Variants in WWOX observed in about 807,000 individuals in gnomAD.
WWOX encodes WW domain-containing oxidoreductase.
In WWOX, 69 loss-of-function variants were observed where a neutral mutation model predicts 46.2. The ratio of observed to expected loss-of-function variants is 1.49; its 90% confidence interval spans 1.23 to 1.82. The LOEUF (loss-of-function observed/expected upper bound fraction) is 1.82, where lower values mean the gene tolerates loss of function less well. Among genes scored for constraint, WWOX ranks in the 40% most tolerant of loss-of-function variants. WWOX has a pLI of 0.00. For synonymous variants in WWOX, 359 were observed against 202.6 expected (o/e 1.77, Z -6.56); for missense variants, 919 against 542.6 (o/e 1.69, Z -6.89).
At chr16:79,070,945 C>T (rs576390471) in intron 8 of WWOX, among the ~76,000 whole-genome samples, 1 of 152,290 alleles carries the variant, frequency 6.6e-6, no homozygotes, top group South Asian at 2.1e-4. Context: ...ACTTCCAGGG[C>T]AGGTGGTTTC....
At chr16:78,798,612 G>C (rs2050805915) in intron 8 of WWOX, among the ~76,000 whole-genome samples, 1 of 146,480 alleles carries the variant, frequency 6.8e-6, no homozygotes, top group Non-Finnish European at 1.5e-5. Context: ...TTTTTTAAGA[G>C]ATTTACAGTG....
chr16:78,502,639 G>A (rs547197365), intron 8 of WWOX, among the ~76,000 whole-genome samples: 2 of 152,230 alleles, frequency 1.3e-5, no homozygotes, highest in Non-Finnish European at 2.9e-5. Context: ...CATCTGTGTT[G>A]TCCACAAGTT....
At chr16:78,319,674 A>T (rs1319844382) in intron 5 of WWOX, among the ~76,000 whole-genome samples, 1 of 152,202 alleles carries the variant, frequency 6.6e-6, no homozygotes, top group Non-Finnish European at 1.5e-5. Context: ...ATGGAAAAAT[A>T]AACGTTCTAT....
At chr16:78,585,675 G>GTT (rs72477856) in intron 8 of WWOX, among the ~76,000 whole-genome samples, 34 of 141,924 alleles carry the variant, frequency 2.4e-4, no homozygotes, top group African/African-American at 7.8e-4. Flanking sequence ...TTTGTTTTGG[G>GTT]TTTTTTTTTT....
chr16:78,383,669 C>T (rs190426462), intron 5 of WWOX, among the ~76,000 whole-genome samples: 40 of 152,292 alleles, frequency 2.6e-4, no homozygotes, highest in African/African-American at 8.9e-4. Context: ...CACACATAAA[C>T]ACATATGCAC....
intron 8 of WWOX, among the ~76,000 whole-genome samples, chr16:78,632,841 A>G (rs575887727): frequency 2.0e-5 from 3 of 152,080 alleles, no homozygotes; most frequent in African/African-American, 7.2e-5. Flanking sequence ...TGCAGCTGTG[A>G]GCCACTGCGC....
At chr16:79,087,366 A>T (rs111747226) in intron 8 of WWOX, among the ~76,000 whole-genome samples, 188 of 152,352 alleles carry the variant, frequency 1.2e-3, no homozygotes, top group African/African-American at 4.1e-3. Flanking sequence ...GAAGAAAGCC[A>T]GTTACATATC....
chr16:78,835,053 T>A (rs1597695141), intron 8 of WWOX, among the ~76,000 whole-genome samples: 1 of 152,266 alleles, frequency 6.6e-6, no homozygotes, highest in East Asian at 1.9e-4. Context: ...TTGGAGGGCG[T>A]TAGTGTGCCC....
At chr16:78,712,397 G>T (rs372021364) in intron 8 of WWOX, among the ~76,000 whole-genome samples, 27 of 152,150 alleles carry the variant, frequency 1.8e-4, no homozygotes, top group African/African-American at 5.3e-4. Flanking sequence ...AGTTACTTGG[G>T]AGGCTGAGGC....
intron 8 of WWOX, among the ~76,000 whole-genome samples, chr16:78,954,498 C>T (rs925593489): frequency 6.6e-6 from 1 of 152,142 alleles, no homozygotes; most frequent in African/African-American, 2.4e-5. Flanking sequence ...CATTGATAGC[C>T]TAGTGGCTTG....
chr16:78,885,247 G>A (rs1256179442), intron 8 of WWOX, among the ~76,000 whole-genome samples: 5 of 145,208 alleles, frequency 3.4e-5, no homozygotes, highest in Non-Finnish European at 3.0e-5. Flanking sequence ...AAGGAACACT[G>A]AAAAAAAAAA....
At chr16:78,776,459 T>C (rs2050193004) in intron 8 of WWOX, among the ~76,000 whole-genome samples, 1 of 152,156 alleles carries the variant, frequency 6.6e-6, no homozygotes, top group African/African-American at 2.4e-5. Context: ...CCAGTGGTTA[T>C]TATGAGAATT....
chr16:78,309,517 C>T (rs1008614509), intron 5 of WWOX, among the ~76,000 whole-genome samples: 11 of 152,106 alleles, frequency 7.2e-5, no homozygotes, highest in Admixed American at 6.5e-5. Context: ...TGGACCAAAC[C>T]AATGTACTCC....
chr16:78,489,162 A>G (rs2084714726), intron 8 of WWOX, among the ~76,000 whole-genome samples: 1 of 152,184 alleles, frequency 6.6e-6, no homozygotes, highest in African/African-American at 2.4e-5. Context: ...GGAGTCATTA[A>G]TCTCCCTCAG....
At chr16:78,802,196 G>C (rs1265218934) in intron 8 of WWOX, among the ~76,000 whole-genome samples, 2 of 114,544 alleles carry the variant, frequency 1.7e-5, no homozygotes, top group African/African-American at 3.2e-5. Flanking sequence ...TATTTTGTTT[G>C]TTTAGGTTTT....
intron 8 of WWOX, among the ~76,000 whole-genome samples, chr16:79,046,903 T>G (rs1314379168): frequency 6.6e-6 from 1 of 152,214 alleles, no homozygotes; most frequent in Non-Finnish European, 1.5e-5. Context: ...CTAATACGAT[T>G]GGTTACTCAA....
chr16:78,296,847 G>A (rs1489701248), intron 5 of WWOX, among the ~76,000 whole-genome samples: 1 of 152,136 alleles, frequency 6.6e-6, no homozygotes, highest in African/African-American at 2.4e-5. Flanking sequence ...GGTCTCGTTC[G>A]GTTGTTGTAC....
At chr16:79,183,594 G>A (rs1245696545) in intron 8 of WWOX, among the ~76,000 whole-genome samples, 1 of 152,158 alleles carries the variant, frequency 6.6e-6, no homozygotes, top group African/African-American at 2.4e-5. Flanking sequence ...GAGTAAATCA[G>A]TGTGTTCCTT....
chr16:79,154,191 A>G (rs946881727), intron 8 of WWOX, among the ~76,000 whole-genome samples: 3 of 152,212 alleles, frequency 2.0e-5, no homozygotes, highest in African/African-American at 7.2e-5. Flanking sequence ...ACAGATCGAC[A>G]CCCACTAAAT....
Sources: gnomAD v4.1 joint callset for allele counts (sites outside exome capture counted in the v4.1 genomes callset) on GRCh38, gnomAD v4.1.1 for gene constraint, MANE v1.5 for transcripts, NCBI Gene and HGNC (gene_info 2026-07-23, HGNC 2026-07-21) for gene names.